Variants in EXT1 observed in about 807,000 individuals in gnomAD.
EXT1 encodes the protein exostosin glycosyltransferase 1, also known as exostosin-1.
EXT1 carries 20 observed loss-of-function variants against 82.5 expected under a neutral mutation model. The ratio of observed to expected loss-of-function variants is 0.24; its 90% CI spans 0.17 to 0.35. EXT1 has a LOEUF of 0.35. Among genes scored for constraint, EXT1 ranks in the 10% least tolerant of loss-of-function variants. EXT1 has a pLI of 1.00. For missense variants in EXT1, 757 were observed against 936.5 expected, an observed-to-expected ratio of 0.81 and a Z score of 2.50; for synonymous variants, 348 against 350.8, an observed-to-expected ratio of 0.99 and a Z score of 0.09.
chr8:117,814,641 T>C (rs906976392), intron 7 of EXT1, among the ~76,000 whole-genome samples: 1 of 152,154 alleles, frequency 6.6e-6, no homozygotes, highest in Admixed American at 6.5e-5. Context: ...GGAACACATA[T>C]GCCAATCATA....
intron 1 of EXT1, among the ~76,000 whole-genome samples, chr8:117,941,938 T>G (rs1460633520): frequency 1.3e-5 from 2 of 152,134 alleles, no homozygotes; most frequent in Non-Finnish European, 2.9e-5. Flanking sequence ...AATGCTACAA[T>G]CCTAGTTCTA....
At chr8:117,835,361 C>CT (rs1812171588) in intron 3 of EXT1, 83 bp downstream of exon 3, 2 of 1,023,222 alleles carry the variant, frequency 2.0e-6, no homozygotes, top group African/African-American at 1.6e-5. Context: ...TAGAGCTGAC[C>CT]TTTTGGATTC....
At chr8:117,965,559 GATC>G (rs1391223075) in intron 1 of EXT1, among the ~76,000 whole-genome samples, 2 of 151,990 alleles carry the variant, frequency 1.3e-5, no homozygotes, top group Non-Finnish European at 2.9e-5. Context: ...CAATTCAGGA[GATC>G]ATAAGCCAAC....
intron 1 of EXT1, among the ~76,000 whole-genome samples, chr8:118,096,649 A>C: frequency 3.4e-5 from 1 of 29,068 alleles, no homozygotes; most frequent in African/African-American, 7.6e-5. Flanking sequence ...GAAGGAAGGA[A>C]GGAAGGAAGG....
At chr8:117,945,763 A>G (rs528382106) in intron 1 of EXT1, among the ~76,000 whole-genome samples, 2 of 152,254 alleles carry the variant, frequency 1.3e-5, no homozygotes, top group East Asian at 1.9e-4. Flanking sequence ...TCAGCCTCCC[A>G]AAGTGCTAGG....
chr8:117,979,344 ACT>A (rs1188929395), intron 1 of EXT1, among the ~76,000 whole-genome samples: 3 of 149,652 alleles, frequency 2.0e-5, no homozygotes, highest in East Asian at 1.9e-4. Context: ...ACAGAGCAAG[ACT>A]CTGTCTCAAA....
intron 1 of EXT1, among the ~76,000 whole-genome samples, chr8:118,067,615 G>A (rs1261257877): frequency 6.6e-6 from 1 of 152,204 alleles, no homozygotes; most frequent in Non-Finnish European, 1.5e-5. Context: ...CAAAGCAGTG[G>A]TCAAGTCAAT....
intron 1 of EXT1, among the ~76,000 whole-genome samples, chr8:118,076,278 G>A (rs1817206587): frequency 6.6e-6 from 1 of 152,338 alleles, no homozygotes. Flanking sequence ...CCCCATTCCA[G>A]TAGGAAAAGG....
chr8:117,914,410 GA>G (rs1813708137), intron 1 of EXT1, among the ~76,000 whole-genome samples: 1 of 152,098 alleles, frequency 6.6e-6, no homozygotes, highest in African/African-American at 2.4e-5. Flanking sequence ...CCTTGAAAAA[GA>G]ACAGAATAAC....
chr8:117,970,841 G>C (rs938896454), intron 1 of EXT1, among the ~76,000 whole-genome samples: 12 of 152,304 alleles, frequency 7.9e-5, no homozygotes, highest in Middle Eastern at 6.8e-3. Flanking sequence ...CAGTTCTAAT[G>C]CTGCCACTTT....
At chr8:118,077,514 T>A (rs972241779) in intron 1 of EXT1, among the ~76,000 whole-genome samples, 3 of 152,194 alleles carry the variant, frequency 2.0e-5, no homozygotes, top group Admixed American at 6.5e-5. Flanking sequence ...CCTTATTGCA[T>A]TTATCATCAA....
intron 1 of EXT1, among the ~76,000 whole-genome samples, chr8:117,972,168 A>G (rs1291926461): frequency 6.6e-6 from 1 of 151,594 alleles, no homozygotes; most frequent in African/African-American, 2.4e-5. Flanking sequence ...AAAAAGAAAG[A>G]AAGAAAAAAA....
intron 1 of EXT1, among the ~76,000 whole-genome samples, chr8:117,942,876 T>C (rs1814316344): frequency 6.6e-6 from 1 of 152,202 alleles, no homozygotes; most frequent in South Asian, 2.1e-4. Context: ...CAGGGTCTAC[T>C]CCCAGCCCTG....
chr8:117,995,277 C>G (rs1214504038), intron 1 of EXT1, among the ~76,000 whole-genome samples: 2 of 152,154 alleles, frequency 1.3e-5, no homozygotes, highest in African/African-American at 2.4e-5. Context: ...CAATGCAGAC[C>G]ATGTGTTCAG....
chr8:118,027,312 T>TTC (rs1482148729), intron 1 of EXT1, among the ~76,000 whole-genome samples: 1 of 106,982 alleles, frequency 9.3e-6, no homozygotes, highest in East Asian at 2.5e-4. Flanking sequence ...ATCAGTTTCT[T>TTC]TCACACACAC....
intron 1 of EXT1, among the ~76,000 whole-genome samples, chr8:118,095,896 C>T (rs771033347): frequency 2.6e-5 from 4 of 152,150 alleles, no homozygotes; most frequent in Non-Finnish European, 4.4e-5. Flanking sequence ...ACAAACAAGC[C>T]ACGATTTTAA....
rs373419800 is a variant in EXT1, at chr8:117,912,416, G to A, written c.963-75215C>T. ...CTTTATTTATTTATTACAATGGGTA[G>A]GTACCAATTTAGTATTTAAAAACTA... On this transcript the variant is annotated intron_variant, in intron 1 of 10. Coordinates refer to ENST00000378204, the MANE Select transcript of EXT1 (RefSeq NM_000127.3). Among the ~76,000 whole-genome samples the A allele has an allele frequency of 1.8e-4, 28 of 152,222 alleles. 3 individuals carry two copies. Among genetic ancestry groups the A allele is most frequent in the Admixed American group, 1.6e-3 (24 of 15,296 alleles).
chr8:117,946,379 G>T (rs904078528), intron 1 of EXT1, among the ~76,000 whole-genome samples: 23 of 151,816 alleles, frequency 1.5e-4, no homozygotes, highest in Non-Finnish European at 3.2e-4. Context: ...TTATGTCAAC[G>T]CTCTGAGGGA....
At chr8:117,951,290 A>AG (rs1345075515) in intron 1 of EXT1, among the ~76,000 whole-genome samples, 6 of 152,338 alleles carry the variant, frequency 3.9e-5, no homozygotes, top group African/African-American at 1.4e-4. Flanking sequence ...TTACTCATCT[A>AG]TCTTTCACAT....
Sources: allele counts gnomAD v4.1 joint callset (sites outside exome capture counted in the v4.1 genomes callset), GRCh38; gene constraint gnomAD v4.1.1; transcripts MANE v1.5; gene names NCBI Gene and HGNC (gene_info 2026-07-23, HGNC 2026-07-21).